The following GABPB2 variants were observed in gnomAD, a reference collection of about 807,000 sequenced individuals.
GABPB2 encodes the protein GA-binding protein subunit beta-2.
Under a neutral mutation model 39.1 loss-of-function variants are expected in GABPB2, and 23 were observed. The ratio of observed to expected loss-of-function variants is 0.59; its 90% CI spans 0.42 to 0.83. GABPB2 has a LOEUF of 0.83. Among genes scored for constraint, GABPB2 ranks in the 40% least tolerant of loss-of-function variants. The probability of loss-of-function intolerance (pLI) is 0.00; values close to 1 mark genes in which losing one functional copy is unlikely to be tolerated. For synonymous variants in GABPB2, 184 were observed against 199.3 expected, an observed-to-expected ratio of 0.92 and a Z score of 0.65; for missense variants, 467 against 541.1, an observed-to-expected ratio of 0.86 and a Z score of 1.36.
At chr1:151,114,972 T>C (rs1278866091) in intron 7 of GABPB2, among the ~76,000 whole-genome samples, 1 of 152,116 alleles carries the variant, frequency 6.6e-6, no homozygotes, top group East Asian at 1.9e-4. Context: ...ATCATTGCAC[T>C]GCACTCCAAT....
At chr1:151,109,301 TA>T (rs1175614151) in intron 7 of GABPB2, among the ~76,000 whole-genome samples, 14 of 4,328 alleles carry the variant, frequency 3.2e-3, no homozygotes, top group Non-Finnish European at 0.011. Context: ...TGGGGATTTA[TA>T]TATATATATA....
At chr1:151,093,007 T>C (rs1430967391) in intron 3 of GABPB2, among the ~76,000 whole-genome samples, 185 bp from the exon 4 acceptor site, 1 of 152,216 alleles carries the variant, frequency 6.6e-6, no homozygotes, top group Non-Finnish European at 1.5e-5. Context: ...GACCCACTCG[T>C]TGAAAGCATT....
chr1:151,088,518 G>A lies in GABPB2; in HGVS notation c.108+221G>A, dbSNP rs191043480. On this transcript the variant is annotated intron_variant, in intron 2 of 8. Coordinates refer to ENST00000368918, the MANE Select transcript of GABPB2 (RefSeq NM_144618.3). Reference sequence around the variant, plus strand: ...TGGATATATAGGTGATAATTGTAAGGTATTATATACTTGTGATTTTCTATA... The same window carrying A: ...TGGATATATAGGTGATAATTGTAAGATATTATATACTTGTGATTTTCTATA... 303 of 1,147,406 alleles carry A rather than the reference G, an allele frequency of 2.6e-4. 2 individuals carry two copies. The African/African-American group carries it at 4.3e-3, about 16-fold the overall frequency. The allele number at this position is 1,147,406 out of a possible 1,614,324, so 71.1% of individuals were successfully genotyped here.
rs75881154 is a variant in GABPB2 at position 151,119,982 on chromosome 1, G to A, written c.*1726G>A. 3,208 of 151,706 alleles carry A rather than the reference G, an allele frequency of 0.021. 99 individuals carry two copies. The highest frequency in any genetic ancestry group is 0.073 in the African/African-American group (3,009 of 41,292). 9.4% of individuals were successfully genotyped at this position (151,706 alleles called of 1,614,324 possible). A position where few individuals can be genotyped will look rare whatever the true frequency, so the allele number is the denominator to read the frequency against. On this transcript the variant is annotated 3_prime_UTR_variant, in exon 9 of 9. Coordinates refer to ENST00000368918, the MANE Select transcript of GABPB2 (RefSeq NM_144618.3). ...AAAAACTGAACTGGAAAGCCGAGGC[G>A]AGCGGATCACCTGAGGCCAGGAGTT... is the stretch of plus-strand genomic sequence containing the variant.
chr1:151,079,102 A>G (rs1186823248), intron 1 of GABPB2, among the ~76,000 whole-genome samples: 1 of 152,166 alleles, frequency 6.6e-6, no homozygotes, highest in South Asian at 2.1e-4. Flanking sequence ...ATAGCACCCT[A>G]TTTACATTCT....
intron 1 of GABPB2, among the ~76,000 whole-genome samples, chr1:151,086,567 GT>G (rs1457895895): frequency 3.3e-5 from 5 of 152,098 alleles, no homozygotes; most frequent in Non-Finnish European, 7.3e-5. Flanking sequence ...TGACCTCATA[GT>G]TCCCTAAAAA....
intron 2 of GABPB2, 36 bp downstream of exon 2, chr1:151,088,333 A>G (rs1055167572): frequency 4.6e-6 from 7 of 1,537,564 alleles, no homozygotes; most frequent in South Asian, 1.2e-5. Flanking sequence ...ATTATTTCCA[A>G]TGTATGCTTT....
In GABPB2 at chr1:151,087,758, T is replaced by C. The variant is rs587602873; in HGVS notation, c.1-432T>C. Among the ~76,000 whole-genome samples the C allele has an allele frequency of 4.6e-5, 7 of 152,190 alleles. No individual in the cohort carries two copies. In the South Asian group the frequency reaches 1.4e-3, roughly 32 times the overall value. ...AGAGCAGTTAGTTGCTAATAAGGGCTCTCATAATTTCCATCAAGCAGTAGT... is the reference window on the plus strand; with the variant it reads ...AGAGCAGTTAGTTGCTAATAAGGGCCCTCATAATTTCCATCAAGCAGTAGT... On this transcript the variant is annotated intron_variant, in intron 1 of 8. Coordinates refer to ENST00000368918, the MANE Select transcript of GABPB2 (RefSeq NM_144618.3).
intron 1 of GABPB2, among the ~76,000 whole-genome samples, chr1:151,074,350 G>A (rs1189081048): frequency 4.2e-5 from 6 of 141,500 alleles, no homozygotes; most frequent in Admixed American, 7.5e-5. Flanking sequence ...TCGCTCTGTC[G>A]CCCAGGCTGG....
chr1:151,116,914 C>T (rs1680922273), intron 7 of GABPB2, among the ~76,000 whole-genome samples: 1 of 152,062 alleles, frequency 6.6e-6, no homozygotes, highest in Non-Finnish European at 1.5e-5. Context: ...CCTGCCATTT[C>T]TGGGCGGATT....
At chr1:151,087,572 G>A (rs917182165) in intron 1 of GABPB2, among the ~76,000 whole-genome samples, 5 of 151,932 alleles carry the variant, frequency 3.3e-5, no homozygotes, top group South Asian at 2.1e-4. Flanking sequence ...GCTTGAACCC[G>A]GGAGGCAGAG....
chr1:151,098,052 A>T (rs1431127287), intron 5 of GABPB2, 50 bp downstream of exon 5: 1 of 1,547,874 alleles, frequency 6.5e-7, no homozygotes, highest in South Asian at 1.1e-5. Flanking sequence ...AAAGAACAGA[A>T]CCCTAGATTT....
At chr1:151,106,296 AG>A (rs1293661068) in intron 6 of GABPB2, among the ~76,000 whole-genome samples, 2 of 149,958 alleles carry the variant, frequency 1.3e-5, no homozygotes, top group African/African-American at 2.5e-5. Flanking sequence ...TGAAAAAAAA[AG>A]GGTTCCAATA....
intron 1 of GABPB2, among the ~76,000 whole-genome samples, chr1:151,082,528 G>A (rs1424881052): frequency 6.9e-6 from 1 of 144,228 alleles, no homozygotes; most frequent in Non-Finnish European, 1.5e-5. Context: ...CAGGCCTCCT[G>A]AGTAGCTGGG....
chr1:151,075,360 C>A (rs587730355), intron 1 of GABPB2, among the ~76,000 whole-genome samples: 3 of 151,780 alleles, frequency 2.0e-5, no homozygotes, highest in African/African-American at 7.2e-5. Flanking sequence ...GTCAGGAGAT[C>A]GAGACCATCC....
Position 151,124,148 on chromosome 1 carries a change from TTTTTTTC to T in GABPB2, c.*5904_*5910del, listed in dbSNP as rs1263996253. The T allele has an allele frequency of 2.0e-5, 3 of 149,722 alleles. No individual in the cohort carries two copies. The highest frequency in any genetic ancestry group is 7.3e-5 in the African/African-American group (3 of 40,842). 9.3% of individuals were successfully genotyped at this position (149,722 alleles called of 1,614,324 possible). On this transcript the variant is annotated 3_prime_UTR_variant, in exon 9 of 9. Coordinates refer to ENST00000368918, the MANE Select transcript of GABPB2 (RefSeq NM_144618.3). ...AGAAATATCAGTTTGAGAAATGATT[TTTTTTTC>T]TTTTTTCTTTTCTTTTTTTTTTTTT...
intron 2 of GABPB2, among the ~76,000 whole-genome samples, chr1:151,089,645 CTT>C (rs1385921739): frequency 2.0e-5 from 3 of 151,884 alleles, no homozygotes; most frequent in African/African-American, 7.2e-5. Context: ...TTAAAATTTA[CTT>C]TATTTATTTA....
intron 1 of GABPB2, among the ~76,000 whole-genome samples, chr1:151,072,677 T>C (rs1378146607): frequency 1.3e-5 from 2 of 151,624 alleles, no homozygotes; most frequent in East Asian, 3.9e-4. Flanking sequence ...GAAACCCCAT[T>C]TCTACTAAAA....
chr1:151,103,001 A>G (rs1679653490), intron 5 of GABPB2, among the ~76,000 whole-genome samples: 2 of 151,302 alleles, frequency 1.3e-5, no homozygotes, highest in African/African-American at 4.9e-5. Flanking sequence ...GTGCCAAGAG[A>G]ATGATTAAAT....
Sources: gnomAD v4.1 joint callset for allele counts (sites outside exome capture counted in the v4.1 genomes callset) on GRCh38, gnomAD v4.1.1 for gene constraint, MANE v1.5 for transcripts, NCBI Gene and HGNC (gene_info 2026-07-23, HGNC 2026-07-21) for gene names.